LOC400499: variants seen among roughly 807,000 people sequenced by gnomAD.
the LOC400499 span, among the ~76,000 whole-genome samples, chr16:11,441,441 G>C: frequency 2.0e-5 from 3 of 152,256 alleles, no homozygotes; most frequent in East Asian, 1.9e-4. Context: ...AGAATCACTA[G>C]TTATAGCCTG....
At chr16:11,459,800 T>TAAG in the LOC400499 span, 3 of 1,195,498 alleles carry the variant, frequency 2.5e-6, no homozygotes, top group Non-Finnish European at 3.2e-6. Context: ...CTTGCATCCT[T>TAAG]GTAGCCAGGG....
chr16:11,489,983 T>C, the LOC400499 span, among the ~76,000 whole-genome samples: 1 of 152,184 alleles, frequency 6.6e-6, no homozygotes, highest in Admixed American at 6.5e-5. Context: ...GGCCTATCAG[T>C]GGAGACGGGT....
At chr16:11,455,802 G>T in the LOC400499 span, among the ~76,000 whole-genome samples, 2 of 151,106 alleles carry the variant, frequency 1.3e-5, no homozygotes, top group African/African-American at 4.9e-5. Flanking sequence ...TGACAAAGAG[G>T]ATGTATAAAC....
the LOC400499 span, among the ~76,000 whole-genome samples, chr16:11,423,597 G>A: frequency 1.3e-5 from 2 of 152,232 alleles, no homozygotes; most frequent in African/African-American, 4.8e-5. Context: ...CAGCGACGGT[G>A]CAGCCTGGCT....
chr16:11,385,389 T>G, the LOC400499 span: 2 of 1,232,274 alleles, frequency 1.6e-6, no homozygotes, highest in Non-Finnish European at 1.0e-6. Context: ...GGTCACCACG[T>G]GCTGGGCCCC....
chr16:11,373,079 G>A, the LOC400499 span, among the ~76,000 whole-genome samples: 1 of 152,236 alleles, frequency 6.6e-6, no homozygotes, highest in Non-Finnish European at 1.5e-5. Flanking sequence ...TCCTAGCCAA[G>A]GGGAGGGCGG....
the LOC400499 span, among the ~76,000 whole-genome samples, chr16:11,500,073 A>T: frequency 7.2e-5 from 11 of 152,212 alleles, no homozygotes; most frequent in African/African-American, 2.7e-4. Context: ...GACTCATTAA[A>T]TATGTGTGTT....
chr16:11,521,719 T>G, the LOC400499 span, among the ~76,000 whole-genome samples: 1 of 152,158 alleles, frequency 6.6e-6, no homozygotes, highest in African/African-American at 2.4e-5. Flanking sequence ...CCTAAAAATA[T>G]TCCTTCCTTA....
chr16:11,475,819 C>A, the LOC400499 span: 1 of 391,708 alleles, frequency 2.6e-6, no homozygotes, highest in South Asian at 1.4e-4. Flanking sequence ...AAATTCTACC[C>A]TGAGCGGGGC....
the LOC400499 span, among the ~76,000 whole-genome samples, chr16:11,421,656 G>A: frequency 6.6e-6 from 1 of 152,056 alleles, no homozygotes; most frequent in Non-Finnish European, 1.5e-5. Flanking sequence ...CGCCCACCTC[G>A]GCCTCCCAAA....
the LOC400499 span, among the ~76,000 whole-genome samples, chr16:11,493,416 G>A: frequency 6.6e-6 from 1 of 152,190 alleles, no homozygotes; most frequent in Non-Finnish European, 1.5e-5. Flanking sequence ...ACTAGAGGGG[G>A]CACAGATGGC....
the LOC400499 span, among the ~76,000 whole-genome samples, chr16:11,415,835 T>C: frequency 3.3e-5 from 5 of 152,080 alleles, no homozygotes; most frequent in African/African-American, 1.2e-4. Context: ...TTGACTGTCA[T>C]GTCCCTAACA....
the LOC400499 span, among the ~76,000 whole-genome samples, chr16:11,422,642 G>T: frequency 2.6e-5 from 4 of 152,182 alleles, no homozygotes; most frequent in African/African-American, 9.7e-5. Flanking sequence ...CCTACTACAT[G>T]TCAGGCCCCG....
the LOC400499 span, among the ~76,000 whole-genome samples, chr16:11,445,389 C>A: frequency 2.6e-5 from 4 of 151,864 alleles, no homozygotes; most frequent in East Asian, 5.8e-4. Context: ...CCACTACACT[C>A]CGGCTTGAGC....
chr16:11,446,803 C>T, the LOC400499 span: 3 of 1,536,146 alleles, frequency 2.0e-6, no homozygotes, highest in Admixed American at 3.9e-5. Context: ...TTCCTCTCGG[C>T]CATTCAGGAC....
chr16:11,390,124 G>A, the LOC400499 span: 1 of 1,232,296 alleles, frequency 8.1e-7, no homozygotes, highest in Non-Finnish European at 1.0e-6. Context: ...AGGCTGTACA[G>A]GTCCAGCAGT....
the LOC400499 span, chr16:11,475,559 G>A: frequency 2.5e-6 from 1 of 398,220 alleles, no homozygotes; most frequent in East Asian, 3.6e-5. Context: ...TCTGGAGCTG[G>A]CATTTTTCCC....
the LOC400499 span, among the ~76,000 whole-genome samples, chr16:11,459,543 T>G: frequency 6.6e-6 from 1 of 152,160 alleles, no homozygotes; most frequent in African/African-American, 2.4e-5. Flanking sequence ...GTGTGCTGTG[T>G]AAGAACCACC....
the LOC400499 span, chr16:11,435,825 CAGAT>C: frequency 2.0e-5 from 8 of 399,154 alleles, no homozygotes; most frequent in Non-Finnish European, 2.7e-5. Flanking sequence ...GACATTTGCA[CAGAT>C]AGAGACCCGT....
Sources: gnomAD v4.1 joint callset for allele counts (sites outside exome capture counted in the v4.1 genomes callset) on GRCh38, gnomAD v4.1.1 for gene constraint, MANE v1.5 for transcripts.